SYT2: variants seen among roughly 807,000 people sequenced by gnomAD.
SYT2 encodes synaptotagmin 2, also known as synaptotagmin-2.
Under a neutral mutation model 39.9 loss-of-function variants are expected in SYT2, and 15 were observed. The ratio of observed to expected loss-of-function variants is 0.38; its 90% CI spans 0.25 to 0.58. The LOEUF (loss-of-function observed/expected upper bound fraction) is 0.58, where lower values mean the gene tolerates loss of function less well. Ranked by LOEUF, SYT2 falls within the 20% of genes least tolerant of loss-of-function variation. The probability of loss-of-function intolerance (pLI) is 0.70; values close to 1 mark genes in which losing one functional copy is unlikely to be tolerated. For missense variants in SYT2, 389 were observed against 530.3 expected, an observed-to-expected ratio of 0.73 and a Z score of 2.62; for synonymous variants, 181 against 204.5, an observed-to-expected ratio of 0.89 and a Z score of 0.98.
At chr1:202,605,426 A>G in intron 2 of SYT2, 169 bp downstream of exon 2, 1 of 543,816 alleles carries the variant, frequency 1.8e-6, no homozygotes, top group Non-Finnish European at 3.2e-6. Flanking sequence ...TTAGTGGCAG[A>G]TCCTACTTCC....
At chr1:202,696,032 T>G (rs539535247) in intron 1 of SYT2, among the ~76,000 whole-genome samples, 2 of 152,358 alleles carry the variant, frequency 1.3e-5, no homozygotes, top group South Asian at 4.1e-4. Context: ...GGAAAAACTA[T>G]AGTTTGCCTT....
rs1458608161 is a variant in SYT2, at chr1:202,592,251, G to C, written c.*4506C>G. 1 of 152,782 alleles carries C rather than the reference G, an allele frequency of 6.5e-6. No homozygotes were observed. 9.5% of individuals were successfully genotyped at this position (152,782 alleles called of 1,614,324 possible). A position where few individuals can be genotyped will look rare whatever the true frequency, so the allele number is the denominator to read the frequency against. ...GGCTGGACACTGCACCGGGCCCTGA[G>C]GTTTGGCTCTGCAGGCAGATGTGCA... On this transcript the variant is annotated 3_prime_UTR_variant, in exon 9 of 9. Transcript: ENST00000367268.
chr1:202,609,108 A>G (rs1017629443), intron 1 of SYT2, among the ~76,000 whole-genome samples: 2 of 136,774 alleles, frequency 1.5e-5, no homozygotes, highest in African/African-American at 5.5e-5. Context: ...ATTCCCACCT[A>G]TGAGTGAGAA....
intron 1 of SYT2, among the ~76,000 whole-genome samples, chr1:202,672,621 C>G (rs1247358200): frequency 6.7e-6 from 1 of 148,402 alleles, no homozygotes; most frequent in Non-Finnish European, 1.5e-5. Flanking sequence ...TTTAACACAG[C>G]TGAAGAAGAC....
chr1:202,701,493 A>AT (rs534496871), intron 1 of SYT2, among the ~76,000 whole-genome samples: 3 of 152,236 alleles, frequency 2.0e-5, no homozygotes, highest in Non-Finnish European at 4.4e-5. Flanking sequence ...TCAAGCTTCA[A>AT]TATAATTATA....
At position 202,640,734 on chromosome 1, in the gene SYT2, CAGAGAGAGAGAGAGAGAGAGAGAGAGAG is replaced by C. The variant is rs56979202; in HGVS notation, c.-17-34973_-17-34946del. ...TCTACTGCAGAATGGTCCTAATGGT[CAGAGAGAGAGAGAGAGAGAGAGAGAGAG>C]AGAGAGAGAGAGAGAGAGAGAGAGA... On this transcript the variant is annotated intron_variant, in intron 1 of 8. Coordinates refer to ENST00000367268, the MANE Select transcript of SYT2 (RefSeq NM_177402.5). Among the ~76,000 whole-genome samples, 119 of 90,742 alleles carry C rather than the reference CAGAGAGAGAGAGAGAGAGAGAGAGAGAG, an allele frequency of 1.3e-3. 1 individual carries two copies. Among genetic ancestry groups the C allele is most frequent in the East Asian group, 7.9e-3 (26 of 3,286 alleles). The allele number at this position is 90,742 out of a possible 152,430, so 59.5% of individuals were successfully genotyped here.
intron 1 of SYT2, among the ~76,000 whole-genome samples, chr1:202,633,210 C>G (rs191903681): frequency 6.6e-6 from 1 of 152,106 alleles, no homozygotes; most frequent in African/African-American, 2.4e-5. Context: ...CTATTTAAGT[C>G]ACCAAAATAT....
chr1:202,660,423 C>T (rs1315466755), intron 1 of SYT2, among the ~76,000 whole-genome samples: 1 of 152,160 alleles, frequency 6.6e-6, no homozygotes, highest in Non-Finnish European at 1.5e-5. Flanking sequence ...ACCGCTACTA[C>T]CCCAGCAGGT....
At chr1:202,707,546 T>C (rs1654283390) in intron 1 of SYT2, among the ~76,000 whole-genome samples, 1 of 152,130 alleles carries the variant, frequency 6.6e-6, no homozygotes, top group Non-Finnish European at 1.5e-5. Flanking sequence ...GTGTTTCTAC[T>C]CATCTGCAGC....
chr1:202,605,542 C>T, intron 2 of SYT2, 53 bp downstream of exon 2: 3 of 1,547,942 alleles, frequency 1.9e-6, no homozygotes, highest in Non-Finnish European at 2.7e-6. Flanking sequence ...CCCTTCTTCA[C>T]CTCTCCCAGA....
chr1:202,657,773 G>A (rs1481060083), intron 1 of SYT2, among the ~76,000 whole-genome samples: 2 of 152,112 alleles, frequency 1.3e-5, no homozygotes, highest in African/African-American at 4.8e-5. Flanking sequence ...AAGCCAGCAG[G>A]TGGGTAGAGG....
Position 202,591,252 on chromosome 1 carries a change from T to C in SYT2, c.*5505A>G, listed in dbSNP as rs1690102671. On this transcript the variant is annotated 3_prime_UTR_variant, in exon 9 of 9. Transcript: ENST00000367268. Reference sequence around the variant, plus strand: ...CAGGGCAAGCCTGCCTCGCCACCTCTGGCCTCCTCGAATGCGCCCTGCCTG... The same window carrying C: ...CAGGGCAAGCCTGCCTCGCCACCTCCGGCCTCCTCGAATGCGCCCTGCCTG... The C allele has an allele frequency of 6.5e-6, 1 of 152,724 alleles. No individual in the cohort carries two copies. The highest frequency in any genetic ancestry group is 2.4e-5 in the African/African-American group (1 of 41,604). 9.5% of individuals were successfully genotyped at this position (152,724 alleles called of 1,614,324 possible).
rs1365852860 is a variant in SYT2 at position 202,593,475 on chromosome 1, T to C, written c.*3282A>G. 1 of 152,206 alleles carries C rather than the reference T, an allele frequency of 6.6e-6. No homozygotes were observed. The highest frequency in any genetic ancestry group is 2.4e-5 in the African/African-American group (1 of 41,430). 9.4% of individuals were successfully genotyped at this position (152,206 alleles called of 1,614,324 possible). On this transcript the variant is annotated 3_prime_UTR_variant, in exon 9 of 9. Transcript: ENST00000367268. ...CCACACTGATTCTGCAGACACAAGTTATGTATGCTTTCCTAGGAAGAAAAA... is the reference window on the plus strand; with the variant it reads ...CCACACTGATTCTGCAGACACAAGTCATGTATGCTTTCCTAGGAAGAAAAA...
chr1:202,701,592 G>A (rs995549704), intron 1 of SYT2, among the ~76,000 whole-genome samples: 13 of 152,198 alleles, frequency 8.5e-5, no homozygotes, highest in Non-Finnish European at 1.9e-4. Flanking sequence ...GGTGTGTAGT[G>A]TGGAAGAACA....
At position 202,659,985 on chromosome 1, in the gene SYT2, G is replaced by A. The variant is rs530302064; in HGVS notation, c.-18+50273C>T. Among the ~76,000 whole-genome samples the A allele has an allele frequency of 7.9e-5, 12 of 152,270 alleles. No individual in the cohort carries two copies. The South Asian group carries it at 2.5e-3, about 32-fold the overall frequency. Reference sequence around the variant, plus strand: ...CTCCAGACCTGAGCTTGGCACGGAGGTCCTTCAATGAAAACAAACTGATTC... The same window carrying A: ...CTCCAGACCTGAGCTTGGCACGGAGATCCTTCAATGAAAACAAACTGATTC... On this transcript the variant is annotated intron_variant, in intron 1 of 8. Coordinates refer to ENST00000367268, the MANE Select transcript of SYT2 (RefSeq NM_177402.5).
intron 1 of SYT2, among the ~76,000 whole-genome samples, chr1:202,667,757 G>A (rs577613185): frequency 6.6e-6 from 1 of 152,098 alleles, no homozygotes; most frequent in Non-Finnish European, 1.5e-5. Context: ...CTGTCGAGCA[G>A]GCTGGAGTGC....
Position 202,596,490 on chromosome 1 carries a change from G to A in SYT2, c.*267C>T, listed in dbSNP as rs989389393. On this transcript the variant is annotated 3_prime_UTR_variant, in exon 9 of 9. Transcript: ENST00000367268. ...GCAGATGTGAAGCTTTGAAAGAGTC[G>A]AGGGAACTGTGACAGGGCATGCAGC... 2.8e-5 allele frequency: 10 copies of A among 358,202 alleles called. No homozygotes were observed. The East Asian group carries it at 3.2e-4, about 11-fold the overall frequency. 22.2% of individuals were successfully genotyped at this position (358,202 alleles called of 1,614,324 possible). A position where few individuals can be genotyped will look rare whatever the true frequency, so the allele number is the denominator to read the frequency against.
intron 1 of SYT2, among the ~76,000 whole-genome samples, chr1:202,709,978 A>C (rs1654355077): frequency 6.7e-6 from 1 of 149,844 alleles, no homozygotes; most frequent in Non-Finnish European, 1.5e-5. Context: ...CTCTGCAGCA[A>C]CCCGCGGGAG....
At chr1:202,696,418 C>G (rs1034827153) in intron 1 of SYT2, among the ~76,000 whole-genome samples, 5 of 152,290 alleles carry the variant, frequency 3.3e-5, no homozygotes, top group Non-Finnish European at 7.4e-5. Flanking sequence ...CTGCTAAGCC[C>G]CCATTATAAA....
Sources: gnomAD v4.1 joint callset for allele counts (sites outside exome capture counted in the v4.1 genomes callset) on GRCh38, gnomAD v4.1.1 for gene constraint, MANE v1.5 for transcripts, NCBI Gene and HGNC (gene_info 2026-07-23, HGNC 2026-07-21) for gene names.